ERC1: variants seen among roughly 807,000 people sequenced by gnomAD.
ERC1 encodes ELKS/RAB6-interacting/CAST family member 1.
Under a neutral mutation model 132.0 loss-of-function variants are expected in ERC1, and 56 were observed. The ratio of observed to expected loss-of-function variants is 0.42; its 90% CI spans 0.34 to 0.53. The LOEUF (loss-of-function observed/expected upper bound fraction) is 0.53, where lower values mean the gene tolerates loss of function less well. ERC1 is among the 20% of genes least tolerant of loss of function. The pLI, the probability that ERC1 is intolerant of heterozygous loss-of-function variation, is 0.03. For synonymous variants in ERC1, 478 were observed against 476.1 expected (o/e 1.00, Z -0.05); for missense variants, 1,202 against 1,349.9 (o/e 0.89, Z 1.72).
intron 16 of ERC1, among the ~76,000 whole-genome samples, chr12:1,401,093 G>A (rs561202694): frequency 7.9e-5 from 12 of 151,288 alleles, no homozygotes; most frequent in African/African-American, 2.2e-4. Context: ...CCACCGCTGC[G>A]CCCGGCTAAT....
At chr12:1,187,696 A>G (rs965317408) in intron 11 of ERC1, among the ~76,000 whole-genome samples, 1 of 152,330 alleles carries the variant, frequency 6.6e-6, no homozygotes, top group East Asian at 1.9e-4. Context: ...GTTTTAAATC[A>G]AATGGAAACT....
Position 1,028,569 on chromosome 12 carries a change from C to T in ERC1, c.666C>T (p.Asn222=), listed in dbSNP as rs772926711. ...KEQYRVVQEE[N]QHMQMTIQAL... is the part of the protein sequence containing the mutation. ...AGTACAGAGTTGTACAGGAGGAAAA[C>T]CAGGTAAGTTCTACGTGTGTTTACC... The change falls in exon 2 of 19, where the codon AAC becomes AAT. Residue 222 remains asparagine (N), a synonymous_variant. Transcript: ENST00000360905. 1 of 1,605,290 alleles carries T rather than the reference C, an allele frequency of 6.2e-7. No individual in the cohort carries two copies. Among genetic ancestry groups the T allele is most frequent in the Non-Finnish European group, 8.5e-7 (1 of 1,175,700 alleles).
At chr12:1,185,057 C>T (rs566307133) in intron 11 of ERC1, among the ~76,000 whole-genome samples, 1 of 152,268 alleles carries the variant, frequency 6.6e-6, no homozygotes, top group South Asian at 2.1e-4. Context: ...TTTATAGGCG[C>T]ATGCCGCTGT....
intron 15 of ERC1, among the ~76,000 whole-genome samples, chr12:1,349,209 C>G (rs74057151): frequency 0.018 from 2,734 of 152,310 alleles, 83 homozygotes; most frequent in African/African-American, 0.063. Context: ...AGAGTCCCAA[C>G]ACTTGTTTTT....
chr12:1,383,047 A>G (rs1346455601), intron 16 of ERC1, among the ~76,000 whole-genome samples: 7 of 152,162 alleles, frequency 4.6e-5, no homozygotes, highest in Non-Finnish European at 1.0e-4. Context: ...CCCTCACAAC[A>G]ATTTGATAAG....
intron 13 of ERC1, among the ~76,000 whole-genome samples, chr12:1,250,609 C>T (rs777186432): frequency 3.3e-5 from 5 of 152,022 alleles, no homozygotes; most frequent in Non-Finnish European, 7.4e-5. Flanking sequence ...ATTCAGCATC[C>T]TAATAAATAT....
chr12:1,372,947 T>C (rs929662593), intron 16 of ERC1, among the ~76,000 whole-genome samples: 2 of 152,214 alleles, frequency 1.3e-5, no homozygotes, highest in African/African-American at 4.8e-5. Context: ...TCTCTGTGGA[T>C]CAAATTAAAA....
chr12:1,484,101 C>G (rs184811442), intron 18 of ERC1, among the ~76,000 whole-genome samples: 85 of 142,542 alleles, frequency 6.0e-4, no homozygotes, highest in East Asian at 1.7e-3. Flanking sequence ...GTCAGGAGAT[C>G]AAGACCTTCC....
chr12:1,484,965 C>T (rs1479509017), intron 18 of ERC1, among the ~76,000 whole-genome samples: 1 of 151,376 alleles, frequency 6.6e-6, no homozygotes, highest in Non-Finnish European at 1.5e-5. Context: ...TCATTGCAGC[C>T]TCAACCTCCT....
chr12:1,346,584 ACT>A (rs1401923774), intron 15 of ERC1, among the ~76,000 whole-genome samples: 7 of 152,224 alleles, frequency 4.6e-5, no homozygotes, highest in Non-Finnish European at 1.0e-4. Flanking sequence ...GAAAAAATAG[ACT>A]CTATCAGTCA....
chr12:1,192,133 C>T (rs544395947), intron 12 of ERC1, among the ~76,000 whole-genome samples: 1 of 152,276 alleles, frequency 6.6e-6, no homozygotes, highest in East Asian at 1.9e-4. Context: ...TTTGGACTTC[C>T]TGGCAACTGT....
chr12:993,035 A>T (rs554130358), intron 1 of ERC1, among the ~76,000 whole-genome samples: 1 of 152,234 alleles, frequency 6.6e-6, no homozygotes, highest in Non-Finnish European at 1.5e-5. Context: ...TGCCTACTTA[A>T]TGAGCAGATT....
At chr12:1,118,947 G>A (rs73591860) in intron 7 of ERC1, among the ~76,000 whole-genome samples, 6,723 of 152,212 alleles carry the variant, frequency 0.044, 504 homozygotes, top group African/African-American at 0.15. Flanking sequence ...TATATTAATA[G>A]CTCATTGCAG....
chr12:1,121,759 CTCTA>C lies in ERC1; in HGVS notation c.1569+5734_1569+5737del, dbSNP rs1214362674. Reference sequence around the variant, plus strand: ...TATCTCTATCTATCTCTATCTCTATCTCTATCTATCTCTATCTCTATCTATCTCT... The same window carrying C: ...TATCTCTATCTATCTCTATCTCTATCTCTATCTCTATCTCTATCTATCTCT... On this transcript the variant is annotated intron_variant, in intron 7 of 18. Transcript: ENST00000360905. 6.5e-3 allele frequency among the ~76,000 whole-genome samples: 35 copies of C among 5,390 alleles called. 8 individuals are homozygous for C. Among genetic ancestry groups the C allele is most frequent in the African/African-American group, 8.5e-3 (26 of 3,068 alleles). The allele number at this position is 5,390 out of a possible 152,430, so 3.5% of individuals were successfully genotyped here. A position where few individuals can be genotyped will look rare whatever the true frequency, so the allele number is the denominator to read the frequency against.
intron 12 of ERC1, among the ~76,000 whole-genome samples, chr12:1,206,983 C>A (rs1481784295): frequency 1.3e-5 from 2 of 152,052 alleles, no homozygotes; most frequent in East Asian, 3.8e-4. Context: ...GCTTAGCATT[C>A]CAGTAATAGA....
At chr12:1,347,809 C>G (rs2084623873) in intron 15 of ERC1, among the ~76,000 whole-genome samples, 1 of 152,036 alleles carries the variant, frequency 6.6e-6, no homozygotes, top group Non-Finnish European at 1.5e-5. Context: ...ATGGTGCAAC[C>G]CCGTCTCTAC....
chr12:1,423,013 G>A (rs543701495), intron 17 of ERC1, among the ~76,000 whole-genome samples: 16 of 152,294 alleles, frequency 1.1e-4, no homozygotes, highest in South Asian at 8.3e-4. Context: ...TTGGGAGGCC[G>A]TTAGGCTAAG....
At chr12:1,200,811 G>A (rs143651854) in intron 12 of ERC1, among the ~76,000 whole-genome samples, 172 of 152,214 alleles carry the variant, frequency 1.1e-3, no homozygotes, top group Middle Eastern at 6.8e-3. Flanking sequence ...GCCCGCCTCG[G>A]CCTCCCAAAG....
At chr12:1,168,492 T>TG (rs1952683983) in intron 8 of ERC1, among the ~76,000 whole-genome samples, 1 of 139,668 alleles carries the variant, frequency 7.2e-6, no homozygotes, top group Non-Finnish European at 1.6e-5. Flanking sequence ...TTTTTTTTTT[T>TG]TTTTTTTTGG....
Sources: gnomAD v4.1 joint callset for allele counts (sites outside exome capture counted in the v4.1 genomes callset) on GRCh38, gnomAD v4.1.1 for gene constraint, MANE v1.5 for transcripts, NCBI Gene and HGNC (gene_info 2026-07-23, HGNC 2026-07-21) for gene names.